The following LRRC4C variants were observed in gnomAD, a reference collection of about 807,000 sequenced individuals.
The protein encoded by LRRC4C is leucine rich repeat containing 4C, also known as leucine-rich repeat-containing protein 4C.
Under a neutral mutation model 33.6 loss-of-function variants are expected in LRRC4C, and 5 were observed. The observed-to-expected ratio is 0.15, with a 90% CI of 0.08 to 0.31. LRRC4C has a LOEUF of 0.31. Ranked by LOEUF, LRRC4C falls within the 10% of genes least tolerant of loss-of-function variation. The pLI is 1.00. For synonymous variants in LRRC4C, 329 were observed against 302.0 expected, an observed-to-expected ratio of 1.09 and a Z score of -0.93; for missense variants, 560 against 796.7, an observed-to-expected ratio of 0.70 and a Z score of 3.58.
intron 1 of LRRC4C, among the ~76,000 whole-genome samples, chr11:41,222,459 A>C (rs539852905): frequency 4.9e-4 from 75 of 152,282 alleles, no homozygotes; most frequent in African/African-American, 1.7e-3. Flanking sequence ...ATAGGATGCC[A>C]ATGAAATGGA....
chr11:41,273,387 G>A (rs1949379445), intron 1 of LRRC4C, among the ~76,000 whole-genome samples: 3 of 152,004 alleles, frequency 2.0e-5, no homozygotes, highest in Admixed American at 2.0e-4. Context: ...TAAAATATGT[G>A]GATACAATGG....
intron 2 of LRRC4C, among the ~76,000 whole-genome samples, chr11:40,849,633 C>T (rs570357610): frequency 2.6e-5 from 4 of 151,938 alleles, no homozygotes; most frequent in Non-Finnish European, 5.9e-5. Flanking sequence ...TTGCTCTTCT[C>T]GAGGAGTATC....
intron 3 of LRRC4C, among the ~76,000 whole-genome samples, chr11:40,373,094 A>G (rs934798948): frequency 6.6e-6 from 1 of 152,194 alleles, no homozygotes; most frequent in African/African-American, 2.4e-5. Flanking sequence ...TTAATAAATG[A>G]AGCAAAGACA....
chr11:41,355,862 A>T (rs1386259957), intron 1 of LRRC4C, among the ~76,000 whole-genome samples: 1 of 152,082 alleles, frequency 6.6e-6, no homozygotes, highest in Non-Finnish European at 1.5e-5. Flanking sequence ...TCTACTAAGG[A>T]GAATGTGAAA....
chr11:40,966,133 C>T (rs539355994), intron 1 of LRRC4C, among the ~76,000 whole-genome samples: 73 of 151,888 alleles, frequency 4.8e-4, no homozygotes, highest in African/African-American at 1.6e-3. Context: ...GAAGTATTTG[C>T]GAGTAGAGAT....
intron 2 of LRRC4C, among the ~76,000 whole-genome samples, chr11:40,921,064 G>T (rs1239595765): frequency 6.6e-6 from 1 of 151,766 alleles, no homozygotes; most frequent in Non-Finnish European, 1.5e-5. Flanking sequence ...AGGACTAAAG[G>T]CATGCACCAC....
chr11:41,149,796 AC>A (rs1943910615), intron 1 of LRRC4C, among the ~76,000 whole-genome samples: 1 of 152,126 alleles, frequency 6.6e-6, no homozygotes, highest in African/African-American at 2.4e-5. Context: ...TAGTCAGCAA[AC>A]AGGAGTTAAG....
At chr11:40,959,636 C>A (rs890430800) in intron 1 of LRRC4C, among the ~76,000 whole-genome samples, 8 of 151,746 alleles carry the variant, frequency 5.3e-5, no homozygotes, top group African/African-American at 1.9e-4. Context: ...AAAGGTGTTT[C>A]CAATTTCCCA....
intron 1 of LRRC4C, among the ~76,000 whole-genome samples, chr11:41,050,113 C>T (rs984514836): frequency 6.6e-6 from 1 of 152,048 alleles, no homozygotes; most frequent in African/African-American, 2.4e-5. Flanking sequence ...TTCTGGGAGG[C>T]ATCATAGTGA....
chr11:40,190,861 C>T (rs139918242), intron 5 of LRRC4C, among the ~76,000 whole-genome samples: 7 of 152,184 alleles, frequency 4.6e-5, no homozygotes, highest in Admixed American at 6.5e-5. Context: ...TTTTTCTCAA[C>T]GCATTTTCAA....
rs1857871587 is a variant in LRRC4C at position 41,047,604 on chromosome 11, AG to A, written c.-495-113882del. Among the ~76,000 whole-genome samples the A allele has an allele frequency of 2.6e-5, 4 of 152,298 alleles. 1 individual carries two copies. The highest frequency in any genetic ancestry group is 9.6e-5 in the African/African-American group (4 of 41,566). On this transcript the variant is annotated intron_variant, in intron 1 of 6. Transcript: ENST00000528697. ...TTTAATAAAATAAAAAATTTAAAAA[AG>A]ATTACCTTAACTGTTTCAAGCAGTG...
At chr11:40,157,797 T>C (rs910965132) in intron 5 of LRRC4C, among the ~76,000 whole-genome samples, 7 of 152,138 alleles carry the variant, frequency 4.6e-5, no homozygotes, top group Non-Finnish European at 7.3e-5. Flanking sequence ...GGAACACTTC[T>C]ACACTGCTGG....
chr11:40,457,232 T>TA (rs1238096369), intron 3 of LRRC4C, among the ~76,000 whole-genome samples: 1 of 151,272 alleles, frequency 6.6e-6, no homozygotes, highest in East Asian at 1.9e-4. Flanking sequence ...AGAACAATTA[T>TA]AAAAAAATTT....
chr11:41,164,399 C>G (rs1355994984), intron 1 of LRRC4C, among the ~76,000 whole-genome samples: 3 of 151,978 alleles, frequency 2.0e-5, no homozygotes, highest in Non-Finnish European at 4.4e-5. Flanking sequence ...TCCTGAGGAA[C>G]CTGCCTGAGG....
intron 2 of LRRC4C, among the ~76,000 whole-genome samples, chr11:40,837,947 AATAAT>A (rs1952749680): frequency 6.6e-6 from 1 of 152,076 alleles, no homozygotes. Context: ...CTGTTTTGGA[AATAAT>A]ATATTTTAGA....
chr11:40,454,990 A>G (rs1228743584), intron 3 of LRRC4C, among the ~76,000 whole-genome samples: 1 of 152,150 alleles, frequency 6.6e-6, no homozygotes, highest in African/African-American at 2.4e-5. Context: ...AATGGGAGCA[A>G]CACGTCAGAA....
chr11:41,317,115 C>T (rs1248358305), intron 1 of LRRC4C, among the ~76,000 whole-genome samples: 1 of 152,226 alleles, frequency 6.6e-6, no homozygotes, highest in African/African-American at 2.4e-5. Flanking sequence ...GAGGAAAGAA[C>T]ACTGGTTTCT....
intron 1 of LRRC4C, among the ~76,000 whole-genome samples, chr11:41,325,615 TA>T (rs1179070128): frequency 7.1e-6 from 1 of 141,086 alleles, no homozygotes; most frequent in Non-Finnish European, 1.5e-5. Context: ...GTGTGTGTGT[TA>T]AAGACATATT....
intron 3 of LRRC4C, among the ~76,000 whole-genome samples, chr11:40,443,095 C>T (rs922486178): frequency 2.0e-5 from 3 of 152,144 alleles, no homozygotes; most frequent in African/African-American, 7.2e-5. Flanking sequence ...CCAACTGAGA[C>T]TCATAAGAAG....
Sources: gnomAD v4.1 joint callset for allele counts (sites outside exome capture counted in the v4.1 genomes callset) on GRCh38, gnomAD v4.1.1 for gene constraint, MANE v1.5 for transcripts, NCBI Gene and HGNC (gene_info 2026-07-23, HGNC 2026-07-21) for gene names.